The following LINGO2 variants were observed in gnomAD, a reference collection of about 807,000 sequenced individuals.
The protein encoded by LINGO2 is leucine rich repeat and Ig domain containing 2.
Under a neutral mutation model 30.6 loss-of-function variants are expected in LINGO2, and 14 were observed. The observed-to-expected ratio is 0.46, with a 90% CI of 0.30 to 0.72. LINGO2 has a LOEUF of 0.72. Among genes scored for constraint, LINGO2 ranks in the 30% least tolerant of loss-of-function variants. The probability of loss-of-function intolerance (pLI) is 0.07; values close to 1 mark genes in which losing one functional copy is unlikely to be tolerated. For synonymous variants in LINGO2, 317 were observed against 288.5 expected (o/e 1.10, Z -1.00); for missense variants, 729 against 751.7 (o/e 0.97, Z 0.35).
the LINGO2 span, among the ~76,000 whole-genome samples, chr9:29,207,891 T>C: frequency 8.5e-5 from 13 of 152,100 alleles, no homozygotes; most frequent in Non-Finnish European, 1.9e-4. Context: ...ATTATTTCAA[T>C]GGAGCTTTTA....
chr9:28,538,213 G>A (rs977908164), intron 1 of LINGO2, among the ~76,000 whole-genome samples: 10 of 151,532 alleles, frequency 6.6e-5, no homozygotes, highest in African/African-American at 2.4e-4. Context: ...GAAAATAGTG[G>A]AGTATAAAAT....
At chr9:28,277,818 A>C (rs1417191694) in intron 4 of LINGO2, among the ~76,000 whole-genome samples, 1 of 126,554 alleles carries the variant, frequency 7.9e-6, no homozygotes, top group African/African-American at 3.4e-5. Context: ...TCCATCTCAA[A>C]AAACAAAACA....
intron 1 of LINGO2, among the ~76,000 whole-genome samples, chr9:28,507,238 C>CTGT (rs1820184017): frequency 6.6e-6 from 1 of 150,548 alleles, no homozygotes; most frequent in African/African-American, 2.5e-5. Context: ...TGTGTGTGTG[C>CTGT]GTGCGTGCGC....
chr9:28,176,179 A>C (rs919655788), intron 4 of LINGO2, among the ~76,000 whole-genome samples: 3 of 152,208 alleles, frequency 2.0e-5, no homozygotes, highest in African/African-American at 7.2e-5. Context: ...TCCACAGCCC[A>C]GTCACAGGAG....
chr9:28,643,970 A>C (rs1338058659), intron 1 of LINGO2, among the ~76,000 whole-genome samples: 4 of 152,076 alleles, frequency 2.6e-5, no homozygotes, highest in African/African-American at 7.2e-5. Context: ...ATGCAAGCCA[A>C]AACTCCGATA....
Position 28,025,107 on chromosome 9 carries a change from CG to C in LINGO2, c.-86-12703del, listed in dbSNP as rs140516082. On this transcript the variant is annotated intron_variant, in intron 4 of 5. Transcript: ENST00000379992. ...AGAATAATAATCATGTGTTGATTAC[CG>C]GTATCTTGACAGATGATGCTGAGAA... is the stretch of plus-strand genomic sequence containing the variant. 5.7e-3 allele frequency among the ~76,000 whole-genome samples: 865 copies of C among 152,252 alleles called. 32 individuals are homozygous for C. The East Asian group carries it at 0.1, about 18-fold the overall frequency.
intron 2 of LINGO2, among the ~76,000 whole-genome samples, chr9:28,467,177 C>A: frequency 6.6e-6 from 1 of 152,184 alleles, no homozygotes; most frequent in Middle Eastern, 3.4e-3. Flanking sequence ...AGGTACCCAC[C>A]ACCACGCCTG....
the LINGO2 span, among the ~76,000 whole-genome samples, chr9:29,049,414 T>C: frequency 1.3e-5 from 2 of 152,096 alleles, no homozygotes; most frequent in Non-Finnish European, 2.9e-5. Context: ...AAACTAAAAA[T>C]AGAGCTACCA....
At chr9:28,663,874 G>C (rs1828683461) in intron 1 of LINGO2, among the ~76,000 whole-genome samples, 1 of 151,640 alleles carries the variant, frequency 6.6e-6, no homozygotes, top group South Asian at 2.1e-4. Flanking sequence ...AACACGAAAA[G>C]TGGACCAATA....
At chr9:28,326,246 C>G (rs1008804095) in intron 3 of LINGO2, among the ~76,000 whole-genome samples, 1 of 152,204 alleles carries the variant, frequency 6.6e-6, no homozygotes, top group African/African-American at 2.4e-5. Context: ...ACCTCGTGAT[C>G]TGCCCACCTT....
intron 1 of LINGO2, among the ~76,000 whole-genome samples, chr9:28,633,471 G>GT (rs1827098929): frequency 1.3e-5 from 2 of 152,060 alleles, no homozygotes; most frequent in Admixed American, 6.6e-5. Flanking sequence ...ATAAGAAGAG[G>GT]TTTTACATAA....
At chr9:28,214,035 A>T (rs1820682826) in intron 4 of LINGO2, among the ~76,000 whole-genome samples, 1 of 151,586 alleles carries the variant, frequency 6.6e-6, no homozygotes, top group East Asian at 1.9e-4. Context: ...GATATGAGGA[A>T]ATTAATCAAA....
At chr9:28,904,644 T>A in the LINGO2 span, among the ~76,000 whole-genome samples, 2 of 151,112 alleles carry the variant, frequency 1.3e-5, no homozygotes, top group South Asian at 4.1e-4. Context: ...TTTAACTGAG[T>A]AAGTGAATGG....
At chr9:28,196,100 C>G (rs958047775) in intron 4 of LINGO2, among the ~76,000 whole-genome samples, 1 of 151,480 alleles carries the variant, frequency 6.6e-6, no homozygotes, top group Non-Finnish European at 1.5e-5. Context: ...ATGCTAACAT[C>G]CTTTTTGACA....
At chr9:28,612,315 A>T (rs1467348517) in intron 1 of LINGO2, among the ~76,000 whole-genome samples, 1 of 152,148 alleles carries the variant, frequency 6.6e-6, no homozygotes, top group Non-Finnish European at 1.5e-5. Context: ...GTCCCACCTC[A>T]GCATCCCAAA....
At chr9:28,531,216 G>C (rs899143812) in intron 1 of LINGO2, among the ~76,000 whole-genome samples, 1 of 151,868 alleles carries the variant, frequency 6.6e-6, no homozygotes, top group Admixed American at 6.6e-5. Context: ...CATATGATCA[G>C]CTTCCCTCAT....
the LINGO2 span, among the ~76,000 whole-genome samples, chr9:29,064,534 A>T: frequency 6.6e-6 from 1 of 152,082 alleles, no homozygotes; most frequent in Non-Finnish European, 1.5e-5. Flanking sequence ...TTTTTATAAA[A>T]ATCTGCTACT....
chr9:28,263,031 C>G (rs1215901758), intron 4 of LINGO2, among the ~76,000 whole-genome samples: 1 of 151,990 alleles, frequency 6.6e-6, no homozygotes, highest in Non-Finnish European at 1.5e-5. Flanking sequence ...GGGTTCCCGT[C>G]TCCTAAGGCT....
intron 2 of LINGO2, among the ~76,000 whole-genome samples, chr9:28,442,041 G>A (rs1280851720): frequency 6.6e-6 from 1 of 151,046 alleles, no homozygotes; most frequent in South Asian, 2.1e-4. Context: ...TATTTGCAAC[G>A]TATATTTTCT....
Sources: gnomAD v4.1 joint callset for allele counts (sites outside exome capture counted in the v4.1 genomes callset) on GRCh38, gnomAD v4.1.1 for gene constraint, MANE v1.5 for transcripts, NCBI Gene and HGNC (gene_info 2026-07-23, HGNC 2026-07-21) for gene names.